MAP4K5: variants seen among roughly 807,000 people sequenced by gnomAD.
MAP4K5 encodes the protein mitogen-activated protein kinase kinase kinase kinase 5, also known as MAPK/ERK kinase kinase kinase 5.
In MAP4K5, 82 loss-of-function variants were observed where a neutral mutation model predicts 135.6. That is an observed-to-expected ratio of 0.60 (90% CI 0.51 to 0.73). The LOEUF (loss-of-function observed/expected upper bound fraction) is 0.73, where lower values mean the gene tolerates loss of function less well. MAP4K5 is among the 30% of genes least tolerant of loss of function. MAP4K5 has a pLI of 0.00. For synonymous variants in MAP4K5, 347 were observed against 335.0 expected (o/e 1.04, Z -0.39); for missense variants, 907 against 1,010.9 (o/e 0.90, Z 1.39).
At chr14:50,527,761 C>G (rs7149017) in intron 2 of MAP4K5, among the ~76,000 whole-genome samples, 150,860 of 151,792 alleles carry the variant, frequency 0.99, 74,978 homozygotes, top group Middle Eastern at 1. Context: ...AGCAATAAAG[C>G]TTAGAAAAAA....
In MAP4K5 at chr14:50,475,086, G is replaced by C; in HGVS notation, c.533C>G (p.Thr178Ser). Residue 178 changes from threonine to serine, a missense_variant, in exon 9 of 33, where the codon ACC becomes AGC. By Grantham distance (58) the Thr-to-Ser change is moderately conservative. Coordinates refer to ENST00000682126, the MANE Select transcript of MAP4K5 (RefSeq NM_006575.6). ...CACAGTAATGTCTTACCAGTAAGGG[G>C]TGCCAATGAAAGATTTTCGTTTTGC... ...TIAKRKSFIGTPYWMAPEVAA... is the reference protein window; with the variant it reads ...TIAKRKSFIGSPYWMAPEVAA... 4 of 1,613,204 alleles carry C rather than the reference G, an allele frequency of 2.5e-6. No individual in the cohort carries two copies. Among genetic ancestry groups the C allele is most frequent in the Non-Finnish European group, 3.4e-6 (4 of 1,179,236 alleles).
chr14:50,422,149 C>T (rs531303550), intron 32 of MAP4K5, among the ~76,000 whole-genome samples: 203 of 152,214 alleles, frequency 1.3e-3, no homozygotes, highest in Non-Finnish European at 2.3e-3. Flanking sequence ...GCCCGGCCCA[C>T]AGTTCTTTTC....
chr14:50,482,607 T>C (rs1227773934), intron 5 of MAP4K5, 191 bp from the exon 6 acceptor site: 1 of 414,852 alleles, frequency 2.4e-6, no homozygotes, highest in Non-Finnish European at 4.4e-6. Context: ...TGAAACCCCG[T>C]CTCTACTAAA....
At chr14:50,509,367 TATTA>T (rs1262376841) in intron 2 of MAP4K5, among the ~76,000 whole-genome samples, 1 of 152,202 alleles carries the variant, frequency 6.6e-6, no homozygotes, top group African/African-American at 2.4e-5. Flanking sequence ...TAGAGAAAAG[TATTA>T]ATTGTGTATT....
At chr14:50,486,504 T>G (rs1380404088) in intron 3 of MAP4K5, among the ~76,000 whole-genome samples, 1 of 152,174 alleles carries the variant, frequency 6.6e-6, no homozygotes, top group Non-Finnish European at 1.5e-5. Flanking sequence ...TGCTGTGACA[T>G]GAAAATAGGT....
intron 2 of MAP4K5, among the ~76,000 whole-genome samples, chr14:50,512,420 T>C (rs375273105): frequency 1.6e-4 from 24 of 152,008 alleles, no homozygotes; most frequent in African/African-American, 5.8e-4. Context: ...AATCACAAAA[T>C]GACATAAAAT....
In MAP4K5 at chr14:50,476,544, GC is replaced by G. The variant is rs796311992; in HGVS notation, c.379-239del. On this transcript the variant is annotated intron_variant, in intron 6 of 32. Coordinates refer to ENST00000682126, the MANE Select transcript of MAP4K5 (RefSeq NM_006575.6). ...GCAGTGATTTTGGCTCACTGCAGCTGCCATCTCCTGGGTTCAAGTGATTCAC... is the reference window on the plus strand; with the variant it reads ...GCAGTGATTTTGGCTCACTGCAGCTGCATCTCCTGGGTTCAAGTGATTCAC... Among the ~76,000 whole-genome samples the G allele has an allele frequency of 9.2e-5, 14 of 152,252 alleles. 1 individual carries two copies. The highest frequency in any genetic ancestry group is 3.1e-4 in the African/African-American group (13 of 41,568).
intron 1 of MAP4K5, among the ~76,000 whole-genome samples, chr14:50,551,259 A>G (rs906654086): frequency 1.3e-5 from 2 of 152,198 alleles, no homozygotes; most frequent in Non-Finnish European, 2.9e-5. Flanking sequence ...CTTTATGTGC[A>G]CAAACTAGAA....
chr14:50,419,151 A>G lies in MAP4K5; in HGVS notation c.*868T>C, dbSNP rs1566626790. On this transcript the variant is annotated 3_prime_UTR_variant, in exon 33 of 33. Coordinates refer to ENST00000682126, the MANE Select transcript of MAP4K5 (RefSeq NM_006575.6). ...GGGATGATAATATATATGAAGATTA[A>G]TTCCTTATGCATTATCCCTAATGTA... 6.6e-6 allele frequency: 1 copy of G among 152,160 alleles called. No individual in the cohort carries two copies. The highest frequency in any genetic ancestry group is 1.9e-4 in the East Asian group (1 of 5,200). The allele number at this position is 152,160 out of a possible 1,614,324, so 9.4% of individuals were successfully genotyped here.
chr14:50,508,418 G>T (rs189711241), intron 2 of MAP4K5, among the ~76,000 whole-genome samples: 2 of 152,232 alleles, frequency 1.3e-5, no homozygotes, highest in Admixed American at 1.3e-4. Context: ...CCTTTGTAGG[G>T]ACATGGATGA....
intron 6 of MAP4K5, among the ~76,000 whole-genome samples, chr14:50,479,548 T>C (rs898650125): frequency 5.9e-5 from 9 of 152,184 alleles, no homozygotes; most frequent in African/African-American, 2.2e-4. Flanking sequence ...GTGGTTTTCA[T>C]CTCTAGAAGT....
intron 2 of MAP4K5, among the ~76,000 whole-genome samples, chr14:50,529,828 C>G (rs760758337): frequency 6.6e-6 from 1 of 152,002 alleles, no homozygotes; most frequent in South Asian, 2.1e-4. Context: ...AGATGCTTAT[C>G]ATGTTTAAGG....
chr14:50,447,359 T>C, intron 16 of MAP4K5, 55 bp downstream of exon 16: 1 of 1,071,168 alleles, frequency 9.3e-7, no homozygotes, highest in Non-Finnish European at 1.4e-6. Flanking sequence ...ACATGCCCCA[T>C]ACTGTTCTTA....
chr14:50,433,292 G>A (rs10148462), intron 28 of MAP4K5, among the ~76,000 whole-genome samples: 2,215 of 152,262 alleles, frequency 0.015, 44 homozygotes, highest in African/African-American at 0.051. Context: ...GAGGTAGAAG[G>A]GTACATAATG....
chr14:50,418,539 T>G lies in MAP4K5; in HGVS notation c.*1480A>C, dbSNP rs2035654410. On this transcript the variant is annotated 3_prime_UTR_variant, in exon 33 of 33. Coordinates refer to ENST00000682126, the MANE Select transcript of MAP4K5 (RefSeq NM_006575.6). ...CTTTATATTCCATTTGTATAACATT[T>G]TATTGTTTGCGTATTGCATAGTGAA... is the stretch of plus-strand genomic sequence containing the variant. The G allele has an allele frequency of 6.6e-6, 1 of 152,660 alleles. No homozygotes were observed. The highest frequency in any genetic ancestry group is 1.5e-5 in the Non-Finnish European group (1 of 68,048). The allele number at this position is 152,660 out of a possible 1,614,324, so 9.5% of individuals were successfully genotyped here.
At chr14:50,470,409 C>T (rs2036930884) in intron 9 of MAP4K5, among the ~76,000 whole-genome samples, 1 of 151,962 alleles carries the variant, frequency 6.6e-6, no homozygotes, top group African/African-American at 2.4e-5. Flanking sequence ...AGAGTATTCA[C>T]AAAAAGGACA....
intron 1 of MAP4K5, among the ~76,000 whole-genome samples, chr14:50,553,057 G>A (rs1250900976): frequency 6.6e-6 from 1 of 152,134 alleles, no homozygotes; most frequent in South Asian, 2.1e-4. Flanking sequence ...CACTTTGGGA[G>A]GCTGAGGCGG....
chr14:50,439,753 C>A (rs2180497), intron 23 of MAP4K5, among the ~76,000 whole-genome samples: 127,884 of 151,990 alleles, frequency 0.84, 55,337 homozygotes, highest in East Asian at 0.93. Flanking sequence ...TGGAAGGGAA[C>A]GGCCTCTAGT....
intron 5 of MAP4K5, chr14:50,482,903 A>G (rs1291082339): frequency 6.5e-6 from 1 of 152,944 alleles, no homozygotes; most frequent in Non-Finnish European, 1.5e-5. Context: ...ACAAGAATCA[A>G]AAACAAAAGG....
Sources: allele counts gnomAD v4.1 joint callset (sites outside exome capture counted in the v4.1 genomes callset), GRCh38; gene constraint gnomAD v4.1.1; transcripts MANE v1.5; gene names NCBI Gene and HGNC (gene_info 2026-07-23, HGNC 2026-07-21).